The following IER3IP1 variants were observed in gnomAD, a reference collection of about 807,000 sequenced individuals.
IER3IP1 encodes the protein immediate early response 3-interacting protein 1.
A neutral mutation model predicts 12.2 loss-of-function variants in IER3IP1; 16 were observed. The observed-to-expected ratio is 1.31, with a 90% confidence interval of 0.89 to 1.99. The LOEUF (loss-of-function observed/expected upper bound fraction) is 1.99, where lower values mean the gene tolerates loss of function less well. IER3IP1 is among the 30% of genes most tolerant of loss of function. IER3IP1 has a pLI of 0.00. For synonymous variants in IER3IP1, 42 were observed against 40.0 expected, an observed-to-expected ratio of 1.05 and a Z score of -0.19; for missense variants, 95 against 95.8, an observed-to-expected ratio of 0.99 and a Z score of 0.03.
Position 47,155,210 on chromosome 18 carries a change from T to C in IER3IP1, c.*967A>G, listed in dbSNP as rs1394188184. The C allele has an allele frequency of 2.6e-5, 4 of 152,212 alleles. No homozygotes were observed. Among genetic ancestry groups the C allele is most frequent in the African/African-American group, 9.6e-5 (4 of 41,470 alleles). The allele number at this position is 152,212 out of a possible 1,614,324, so 9.4% of individuals were successfully genotyped here. A position where few individuals can be genotyped will look rare whatever the true frequency, so the allele number is the denominator to read the frequency against. ...ATAGGCAAACAATCTCACAAGATGG[T>C]CTGAGACATAAAAACAAAAGACAAC... is the stretch of plus-strand genomic sequence containing the variant. On this transcript the variant is annotated 3_prime_UTR_variant, in exon 3 of 3. Coordinates refer to ENST00000256433, the MANE Select transcript of IER3IP1 (RefSeq NM_016097.5).
At chr18:47,174,360 G>A (rs562487715) in intron 1 of IER3IP1, among the ~76,000 whole-genome samples, 2 of 152,300 alleles carry the variant, frequency 1.3e-5, no homozygotes, top group Non-Finnish European at 1.5e-5. Context: ...TGCTACGTAA[G>A]TATTAGCTAT....
At chr18:47,160,117 C>T (rs1034331277) in intron 1 of IER3IP1, among the ~76,000 whole-genome samples, 1 of 152,030 alleles carries the variant, frequency 6.6e-6, no homozygotes, top group African/African-American at 2.4e-5. Context: ...ATTGCTTGAA[C>T]CCGGGAGGTG....
intron 1 of IER3IP1, among the ~76,000 whole-genome samples, chr18:47,164,780 A>G (rs898151769): frequency 6.7e-6 from 1 of 149,184 alleles, no homozygotes; most frequent in African/African-American, 2.5e-5. Flanking sequence ...CCTCTTTCCA[A>G]AAAAAAAAAA....
intron 1 of IER3IP1, among the ~76,000 whole-genome samples, chr18:47,162,321 G>A (rs1432787742): frequency 6.6e-6 from 1 of 152,096 alleles, no homozygotes; most frequent in Non-Finnish European, 1.5e-5. Flanking sequence ...CTACACACAT[G>A]GAACTTCCAA....
chr18:47,167,042 A>T, intron 1 of IER3IP1, among the ~76,000 whole-genome samples: 1 of 151,690 alleles, frequency 6.6e-6, no homozygotes, highest in East Asian at 1.9e-4. Flanking sequence ...CCATTCTAAT[A>T]GTTTGTAGCA....
chr18:47,168,578 T>C (rs542968657), intron 1 of IER3IP1, among the ~76,000 whole-genome samples: 57 of 152,364 alleles, frequency 3.7e-4, no homozygotes, highest in African/African-American at 1.2e-3. Flanking sequence ...TCATCCATAT[T>C]GCTTTGTAGG....
At chr18:47,168,125 C>CAAAAAAAAA (rs1161198067) in intron 1 of IER3IP1, among the ~76,000 whole-genome samples, 2 of 25,164 alleles carry the variant, frequency 7.9e-5, no homozygotes, top group African/African-American at 3.4e-4. Flanking sequence ...GACTCCGTCT[C>CAAAAAAAAA]AAAAAAAAAA....
At chr18:47,168,512 G>A (rs971894940) in intron 1 of IER3IP1, among the ~76,000 whole-genome samples, 3 of 152,202 alleles carry the variant, frequency 2.0e-5, no homozygotes, top group Non-Finnish European at 4.4e-5. Context: ...TTTAGGTAAA[G>A]GAATTATCCA....
intron 1 of IER3IP1, among the ~76,000 whole-genome samples, chr18:47,174,263 G>A (rs1473801617): frequency 6.6e-6 from 1 of 152,112 alleles, no homozygotes; most frequent in Non-Finnish European, 1.5e-5. Context: ...GTTTTCCACT[G>A]GAAAACAGAA....
intron 1 of IER3IP1, among the ~76,000 whole-genome samples, chr18:47,158,849 T>A (rs2063970203): frequency 6.6e-6 from 1 of 151,906 alleles, no homozygotes; most frequent in African/African-American, 2.4e-5. Flanking sequence ...TAGTCCCAGC[T>A]ACTCGGGAGG....
chr18:47,161,416 A>T (rs1348053438), intron 1 of IER3IP1, among the ~76,000 whole-genome samples: 5 of 152,148 alleles, frequency 3.3e-5, no homozygotes, highest in Non-Finnish European at 7.4e-5. Flanking sequence ...CTACCATCAC[A>T]GTTGTCACTA....
intron 2 of IER3IP1, 37 bp downstream of exon 2, chr18:47,157,399 T>C (rs2063964690): frequency 1.3e-6 from 2 of 1,566,810 alleles, no homozygotes; most frequent in Admixed American, 1.7e-5. Flanking sequence ...ACCACAACAT[T>C]AAAACTTAAG....
Position 47,153,118 on chromosome 18 carries a change from C to T in IER3IP1, c.*3059G>A, listed in dbSNP as rs1373369361. The T allele has an allele frequency of 6.6e-5, 10 of 152,188 alleles. No individual in the cohort carries two copies. The highest frequency in any genetic ancestry group is 1.2e-4 in the Non-Finnish European group (8 of 68,038). The allele number at this position is 152,188 out of a possible 1,614,324, so 9.4% of individuals were successfully genotyped here. A position where few individuals can be genotyped will look rare whatever the true frequency, so the allele number is the denominator to read the frequency against. ...AATATCTTGCTTTCTCTTGTCATTT[C>T]ACCAGTAATACACATCTAACACATA... On this transcript the variant is annotated 3_prime_UTR_variant, in exon 3 of 3. Coordinates refer to ENST00000256433, the MANE Select transcript of IER3IP1 (RefSeq NM_016097.5).
chr18:47,163,984 T>C lies in IER3IP1; in HGVS notation c.92-6447A>G, dbSNP rs116531033. Among the ~76,000 whole-genome samples, 1,125 of 152,288 alleles carry C rather than the reference T, an allele frequency of 7.4e-3. 9 individuals carry two copies. Among genetic ancestry groups the C allele is most frequent in the African/African-American group, 0.025 (1,034 of 41,556 alleles). On this transcript the variant is annotated intron_variant, in intron 1 of 2. Transcript: ENST00000256433. ...CCATCCACAGCCACAATTTCGCATA[T>C]GGTAAAAAGGATTTGTCTTAAGTAC...
chr18:47,159,972 G>A (rs1309448082), intron 1 of IER3IP1, among the ~76,000 whole-genome samples: 5 of 151,978 alleles, frequency 3.3e-5, no homozygotes, highest in Admixed American at 3.3e-4. Flanking sequence ...AAGGTGGGCG[G>A]ATCACCTGAG....
rs201912542 is a variant in IER3IP1, at chr18:47,157,454, C to G, written c.175G>C (p.Val59Leu). 4.3e-6 allele frequency: 7 copies of G among 1,613,922 alleles called. No individual in the cohort carries two copies. The Admixed American group carries it at 1.0e-4, about 23-fold the overall frequency. Residue 59 changes from valine to leucine, a missense_variant, in exon 2 of 3, where the codon GTA (valine) becomes CTA (leucine). Physicochemically the swap from Val to Leu is conservative, Grantham distance 32. Transcript: ENST00000256433. ...TTCTTACCTCTCATCACGGTTCTTACAGATCGAATAAGGTTCATTAGCTGT... is the reference window on the plus strand; with the variant it reads ...TTCTTACCTCTCATCACGGTTCTTAGAGATCGAATAAGGTTCATTAGCTGT... ...KSQLMNLIRS[V>L]RTVMRVPLII...
Position 47,176,197 on chromosome 18 carries a change from G to A in IER3IP1, c.81C>T (p.Phe27=). The part of the protein sequence containing the change: ...NAIAVLHEER[F]LKNIGWGTDQ... The stretch of plus-strand genomic sequence containing the variant: ...CGCGGTCCCACTCACTGTTCTTGAG[G>A]AATCGCTCCTCGTGCAGCACTGCGA... Residue 27 remains phenylalanine (F), a synonymous_variant, in exon 1 of 3, where the codon TTC becomes TTT. Transcript: ENST00000256433. 6.3e-7 allele frequency: 1 copy of A among 1,597,858 alleles called. No homozygotes were observed. The highest frequency in any genetic ancestry group is 8.5e-7 in the Non-Finnish European group (1 of 1,172,456).
intron 1 of IER3IP1, among the ~76,000 whole-genome samples, chr18:47,173,422 A>G (rs2064021541): frequency 6.6e-6 from 1 of 152,008 alleles, no homozygotes; most frequent in Admixed American, 6.5e-5. Flanking sequence ...TCTCAGCTCA[A>G]TGCAACCTCT....
In IER3IP1 at chr18:47,155,506, G is replaced by A. The variant is rs946656404; in HGVS notation, c.*671C>T. 6.6e-6 allele frequency: 1 copy of A among 152,080 alleles called. No individual in the cohort carries two copies. Among genetic ancestry groups the A allele is most frequent in the Non-Finnish European group, 1.5e-5 (1 of 68,024 alleles). The allele number at this position is 152,080 out of a possible 1,614,324, so 9.4% of individuals were successfully genotyped here. Reference sequence around the variant, plus strand: ...TGACAATGAAAATCTGTAGACACTGGTCTGGTCTCATCATTCAGGCAAATT... The same window carrying A: ...TGACAATGAAAATCTGTAGACACTGATCTGGTCTCATCATTCAGGCAAATT... On this transcript the variant is annotated 3_prime_UTR_variant, in exon 3 of 3. Transcript: ENST00000256433.
Sources: allele counts gnomAD v4.1 joint callset (sites outside exome capture counted in the v4.1 genomes callset), GRCh38; gene constraint gnomAD v4.1.1; transcripts MANE v1.5; gene names NCBI Gene and HGNC (gene_info 2026-07-23, HGNC 2026-07-21).